Variants in NOX5 observed in about 807,000 individuals in gnomAD.
NOX5 encodes the protein NADPH oxidase 5.
A neutral mutation model predicts 85.7 loss-of-function variants in NOX5; 76 were observed. The observed-to-expected ratio is 0.89, with a 90% CI of 0.74 to 1.07. The LOEUF is 1.07. NOX5 is among the 50% of genes least tolerant of loss of function. The pLI, the probability that NOX5 is intolerant of heterozygous loss-of-function variation, is 0.00. For missense variants in NOX5, 973 were observed against 999.5 expected (o/e 0.97, Z 0.36); for synonymous variants, 405 against 401.4 (o/e 1.01, Z -0.11).
chr15:69,036,039 G>T, intron 7 of NOX5, 103 bp downstream of exon 7: 1 of 1,485,990 alleles, frequency 6.7e-7, no homozygotes, highest in Non-Finnish European at 9.1e-7. Flanking sequence ...AAGGTCCCAA[G>T]CTGGTCTGCA....
rs200435234 is a variant in NOX5 at position 69,029,681 on chromosome 15, CT to C, written c.325+1330del. ...TCTTGCTAACACTTGTAATTTTCTG[CT>C]TTTTTTTTTTTTTCTGAGATGGAGT... On this transcript the variant is annotated intron_variant, in intron 3 of 15. Transcript: ENST00000388866. 1,269 of 142,746 alleles carry C rather than the reference CT, an allele frequency of 8.9e-3. 4 individuals are homozygous for C. Among genetic ancestry groups the C allele is most frequent in the Non-Finnish European group, 0.012 (760 of 65,116 alleles). 8.8% of individuals were successfully genotyped at this position (142,746 alleles called of 1,614,324 possible).
intron 1 of NOX5, among the ~76,000 whole-genome samples, chr15:69,017,480 T>C (rs111883857): frequency 1.3e-5 from 2 of 152,148 alleles, no homozygotes; most frequent in Admixed American, 6.5e-5. Context: ...AGACAAAAAC[T>C]TAATTCTTTT....
intron 1 of NOX5, among the ~76,000 whole-genome samples, chr15:69,019,833 A>G (rs2050276444): frequency 6.6e-6 from 1 of 152,234 alleles, no homozygotes; most frequent in Admixed American, 6.5e-5. Context: ...TGCCTGAAAG[A>G]TAGTACAATT....
chr15:69,047,140 C>A (rs984721692), intron 11 of NOX5: 6 of 559,674 alleles, frequency 1.1e-5, no homozygotes, highest in Admixed American at 9.5e-5. Context: ...TCCCTGTCTC[C>A]TGGGCACCCA....
Position 69,050,931 on chromosome 15 carries a change from A to G in NOX5, c.1999+1873A>G, listed in dbSNP as rs1241222309. 2.0e-5 allele frequency among the ~76,000 whole-genome samples: 3 copies of G among 152,318 alleles called. No homozygotes were observed. In the South Asian group the frequency reaches 6.2e-4, roughly 32 times the overall value. ...GAACACCAACTATTCCCAGCTGTTT[A>G]AGCTCGAGGTATCGTTTATCCTAGT... On this transcript the variant is annotated intron_variant, in intron 14 of 15. Coordinates refer to ENST00000388866, the MANE Select transcript of NOX5 (RefSeq NM_024505.4).
Position 69,031,760 on chromosome 15 carries a change from C to T in NOX5, c.568C>T (p.Leu190Phe), listed in dbSNP as rs747450738. The T allele has an allele frequency of 6.2e-7, 1 of 1,608,784 alleles. No individual in the cohort carries two copies. Among genetic ancestry groups the T allele is most frequent in the East Asian group, 2.2e-5 (1 of 44,760 alleles). Residue 190 changes from leucine (L) to phenylalanine (F), a missense_variant, in exon 4 of 16, where the codon CTC becomes TTC. Coordinates refer to ENST00000388866, the MANE Select transcript of NOX5 (RefSeq NM_024505.4). ...CAACGGGGCCATCACCTTCGAGGAG[C>T]TCCGGGACGAGCTGCAGCGCTTCCC... The part of the protein sequence containing the change: ...DGNGAITFEE[L>F]RDELQRFPGV...
At chr15:69,029,565 T>A (rs1006192904) in intron 3 of NOX5, 1 of 152,230 alleles carries the variant, frequency 6.6e-6, no homozygotes. Context: ...CTATTTTTAA[T>A]TTTTTGAGGA....
rs559301785 is a variant in NOX5 at position 69,047,408 on chromosome 15, C to T, written c.1693-5C>T. 9.9e-6 allele frequency: 16 copies of T among 1,608,754 alleles called. No individual in the cohort carries two copies. The East Asian group carries it at 3.4e-4, about 34-fold the overall frequency. On this transcript the variant is annotated splice_polypyrimidine_tract_variant and splice_region_variant and intron_variant, in intron 11 of 15. Coordinates refer to ENST00000388866, the MANE Select transcript of NOX5 (RefSeq NM_024505.4). ...CTCTCTTCTCTGATGCCCTCTTGTGCACAGTGCTACATCGATGGGCCTTAT... is the reference window on the plus strand; with the variant it reads ...CTCTCTTCTCTGATGCCCTCTTGTGTACAGTGCTACATCGATGGGCCTTAT...
intron 1 of NOX5, chr15:69,023,311 T>C (rs867400616): frequency 3.9e-6 from 1 of 258,166 alleles, no homozygotes; most frequent in African/African-American, 2.3e-5. Context: ...ATCTCAGCTT[T>C]CAAGATCACC....
intron 3 of NOX5, chr15:69,031,254 G>T: frequency 1.9e-6 from 1 of 528,974 alleles, no homozygotes; most frequent in Non-Finnish European, 3.3e-6. Context: ...AAGTAAGCAG[G>T]TGTATTTTCT....
rs761561645 is a variant in NOX5 at position 69,033,089 on chromosome 15, C to G, written c.667C>G (p.Arg223Gly). The part of the protein sequence containing the change: ...TAPAPRPRPR[R>G]PRQLTRAYWH... Reference sequence around the variant, plus strand: ...CCCCGCCCCCCGCCCACGCCCGCGCCGGCCGCGCCAGCTGACCCGCGCCTA... The same window carrying G: ...CCCCGCCCCCCGCCCACGCCCGCGCGGGCCGCGCCAGCTGACCCGCGCCTA... The change falls in exon 5 of 16, where the codon CGG (arginine) becomes GGG (glycine). Residue 223 changes from arginine (R) to glycine (G), a missense_variant. Coordinates refer to ENST00000388866, the MANE Select transcript of NOX5 (RefSeq NM_024505.4). 1.9e-6 allele frequency: 3 copies of G among 1,556,876 alleles called. No individual in the cohort carries two copies. The highest frequency in any genetic ancestry group is 1.9e-5 in the Admixed American group (1 of 53,560).
At chr15:69,046,211 C>A (rs971566852) in intron 10 of NOX5, 1 of 152,464 alleles carries the variant, frequency 6.6e-6, no homozygotes, top group Admixed American at 6.5e-5. Context: ...GAGGCCTGCT[C>A]TCTTCCCCGA....
At chr15:69,034,156 G>T (rs975547895) in intron 5 of NOX5, among the ~76,000 whole-genome samples, 3 of 152,076 alleles carry the variant, frequency 2.0e-5, no homozygotes, top group Non-Finnish European at 4.4e-5. Flanking sequence ...GCTCAGATAC[G>T]CTTCTGGATA....
intron 3 of NOX5, chr15:69,029,460 T>C (rs946366509): frequency 6.6e-6 from 1 of 152,206 alleles, no homozygotes; most frequent in Admixed American, 6.5e-5. Flanking sequence ...CTATGAACAT[T>C]GGTGCACAGA....
At position 69,041,616 on chromosome 15, in the gene NOX5, C is replaced by T. The variant is rs139854920; in HGVS notation, c.1505-1047C>T. ...ACTACTACTTCTGATTCCCAGGGCT[C>T]GTTGGGTCCTGCTACAGCTCATTAA... On this transcript the variant is annotated intron_variant, in intron 9 of 15. Coordinates refer to ENST00000388866, the MANE Select transcript of NOX5 (RefSeq NM_024505.4). Among the ~76,000 whole-genome samples, 284 of 152,314 alleles carry T rather than the reference C, an allele frequency of 1.9e-3. 2 individuals carry two copies. Among genetic ancestry groups the T allele is most frequent in the East Asian group, 0.011 (56 of 5,184 alleles).
At chr15:69,045,536 T>TTTTTTTTCTTTCTTTCTTTCTTTC (rs1555437204) in intron 10 of NOX5, among the ~76,000 whole-genome samples, 1 of 94,470 alleles carries the variant, frequency 1.1e-5, no homozygotes, top group Non-Finnish European at 1.9e-5. Flanking sequence ...TTCCTTTCTT[T>TTTTTTTTCTTTCTTTCTTTCTTTC]TTTCTTTCTT....
intron 9 of NOX5, among the ~76,000 whole-genome samples, chr15:69,039,386 G>A (rs994499587): frequency 6.6e-6 from 1 of 151,882 alleles, no homozygotes; most frequent in Non-Finnish European, 1.5e-5. Context: ...GGGTGGCGGG[G>A]GGTAGGCAGG....
intron 14 of NOX5, among the ~76,000 whole-genome samples, chr15:69,051,533 C>T (rs1009198427): frequency 1.3e-5 from 2 of 152,114 alleles, no homozygotes; most frequent in Non-Finnish European, 2.9e-5. Context: ...GTGTGCGCCA[C>T]CATGCCCAGC....
intron 1 of NOX5, among the ~76,000 whole-genome samples, chr15:69,025,278 C>T (rs956268645): frequency 2.0e-5 from 3 of 151,736 alleles, no homozygotes; most frequent in South Asian, 4.1e-4. Flanking sequence ...TTTCCTAACA[C>T]GTATTTCCTC....
Sources: gnomAD v4.1 joint callset for allele counts (sites outside exome capture counted in the v4.1 genomes callset) on GRCh38, gnomAD v4.1.1 for gene constraint, MANE v1.5 for transcripts, NCBI Gene and HGNC (gene_info 2026-07-23, HGNC 2026-07-21) for gene names.